Variants in GREB1L observed in about 807,000 individuals in gnomAD.
GREB1L encodes GREB1-like protein.
A neutral mutation model predicts 200.8 loss-of-function variants in GREB1L; 17 were observed. The ratio of observed to expected loss-of-function variants is 0.08; its 90% CI spans 0.06 to 0.13. The LOEUF is 0.13. Among genes scored for constraint, GREB1L ranks in the 10% least tolerant of loss-of-function variants. The pLI is 1.00. For missense variants in GREB1L, 1,657 were observed against 2,367.7 expected (o/e 0.70, Z 6.23); for synonymous variants, 789 against 893.0 (o/e 0.88, Z 2.08).
At chr18:21,251,493 G>A (rs1489922652) in intron 1 of GREB1L, among the ~76,000 whole-genome samples, 1 of 151,996 alleles carries the variant, frequency 6.6e-6, no homozygotes, top group Non-Finnish European at 1.5e-5. Flanking sequence ...CTTCATTGAA[G>A]GGCATTTATT....
intron 1 of GREB1L, among the ~76,000 whole-genome samples, chr18:21,271,309 A>AC (rs2038074371): frequency 6.6e-6 from 1 of 152,042 alleles, no homozygotes; most frequent in Non-Finnish European, 1.5e-5. Context: ...GTCCCATATC[A>AC]CCCCACAAAT....
intron 27 of GREB1L, among the ~76,000 whole-genome samples, chr18:21,509,379 C>G (rs755725327): frequency 6.6e-6 from 1 of 152,170 alleles, no homozygotes; most frequent in Non-Finnish European, 1.5e-5. Context: ...GTAATAACAC[C>G]CAGCCTAGAG....
At chr18:21,387,852 A>G (rs1256278562) in intron 4 of GREB1L, among the ~76,000 whole-genome samples, 2 of 152,174 alleles carry the variant, frequency 1.3e-5, no homozygotes, top group Non-Finnish European at 2.9e-5. Context: ...ACTCTTTTTT[A>G]CAGACATACA....
chr18:21,516,763 C>T lies in GREB1L; in HGVS notation c.5271+9C>T, dbSNP rs1371485251. ...TTAAACCAAAGATCATGGTGAGTACCGCAAGCTTGATTCAAGTGCTGAAAA... is the reference window on the plus strand; with the variant it reads ...TTAAACCAAAGATCATGGTGAGTACTGCAAGCTTGATTCAAGTGCTGAAAA... On this transcript the variant is annotated intron_variant, in intron 30 of 32. Transcript: ENST00000424526. 3.9e-6 allele frequency: 6 copies of T among 1,548,168 alleles called. No individual in the cohort carries two copies. Among genetic ancestry groups the T allele is most frequent in the Admixed American group, 4.0e-5 (2 of 50,616 alleles).
At chr18:21,372,796 C>T (rs1410121416) in intron 2 of GREB1L, among the ~76,000 whole-genome samples, 2 of 152,230 alleles carry the variant, frequency 1.3e-5, no homozygotes, top group Admixed American at 1.3e-4. Flanking sequence ...TGGCGGGCGC[C>T]TGTAATCCCA....
chr18:21,278,274 G>A (rs559443216), intron 1 of GREB1L, among the ~76,000 whole-genome samples: 70 of 151,698 alleles, frequency 4.6e-4, no homozygotes, highest in Middle Eastern at 3.4e-3. Context: ...CAGCTGCTTG[G>A]GAGGGTGAGG....
At chr18:21,345,057 A>G (rs369195452) in intron 1 of GREB1L, among the ~76,000 whole-genome samples, 2 of 152,142 alleles carry the variant, frequency 1.3e-5, no homozygotes, top group South Asian at 4.1e-4. Flanking sequence ...TCTCACTTCT[A>G]GGAATCCCTG....
At chr18:21,310,854 A>G (rs950961721) in intron 1 of GREB1L, among the ~76,000 whole-genome samples, 2 of 152,226 alleles carry the variant, frequency 1.3e-5, no homozygotes, top group East Asian at 1.9e-4. Context: ...AGAAACATGA[A>G]TAAGAGTTAA....
chr18:21,326,181 C>T (rs1001367487), intron 1 of GREB1L, among the ~76,000 whole-genome samples: 10 of 151,764 alleles, frequency 6.6e-5, no homozygotes, highest in Non-Finnish European at 1.3e-4. Flanking sequence ...TAAATTGATA[C>T]ATGGAAAAAA....
chr18:21,356,136 A>C (rs935410311), intron 1 of GREB1L, among the ~76,000 whole-genome samples: 4 of 150,664 alleles, frequency 2.7e-5, no homozygotes, highest in African/African-American at 9.8e-5. Flanking sequence ...ACCACACCCA[A>C]CTAATTTTTT....
intron 1 of GREB1L, among the ~76,000 whole-genome samples, chr18:21,278,797 T>C (rs2038218800): frequency 6.6e-6 from 1 of 152,188 alleles, no homozygotes; most frequent in African/African-American, 2.4e-5. Flanking sequence ...CAGAAACCAA[T>C]TGATTATGTA....
chr18:21,264,458 A>G (rs570583651), intron 1 of GREB1L, among the ~76,000 whole-genome samples: 1 of 152,292 alleles, frequency 6.6e-6, no homozygotes, highest in East Asian at 1.9e-4. Context: ...GTTTGGATAC[A>G]CTGATATTAA....
chr18:21,514,092 G>A, intron 28 of GREB1L, 106 bp downstream of exon 28: 1 of 1,114,584 alleles, frequency 9.0e-7, no homozygotes, highest in South Asian at 1.7e-5. Context: ...CAGCTTTCCA[G>A]AGCAAAACAG....
intron 19 of GREB1L, among the ~76,000 whole-genome samples, chr18:21,493,893 A>AAAAAGT (rs2036441683): frequency 6.8e-6 from 1 of 146,736 alleles, no homozygotes. Flanking sequence ...AAAAAAAAAA[A>AAAAAGT]GTCCTCATAC....
chr18:21,333,854 T>C (rs1255597955), intron 1 of GREB1L, among the ~76,000 whole-genome samples: 2 of 151,844 alleles, frequency 1.3e-5, no homozygotes, highest in South Asian at 2.1e-4. Flanking sequence ...TAATGGCATG[T>C]ACCTGTAGTC....
intron 1 of GREB1L, among the ~76,000 whole-genome samples, chr18:21,258,626 C>T (rs2037839543): frequency 6.6e-6 from 1 of 152,080 alleles, no homozygotes; most frequent in East Asian, 1.9e-4. Context: ...GAAGCTAGTT[C>T]AGTAGCATTA....
intron 21 of GREB1L, among the ~76,000 whole-genome samples, chr18:21,499,343 GT>G (rs942703323): frequency 2.0e-5 from 3 of 152,196 alleles, no homozygotes; most frequent in Admixed American, 6.5e-5. Context: ...GGAGCAAGAG[GT>G]GTGCTGTGCT....
At chr18:21,379,375 T>A (rs1012083389) in intron 2 of GREB1L, among the ~76,000 whole-genome samples, 6 of 151,930 alleles carry the variant, frequency 3.9e-5, no homozygotes, top group African/African-American at 1.5e-4. Context: ...CCCAGCTAAG[T>A]TTGTATTTTT....
chr18:21,244,839 C>T (rs2037570198), intron 1 of GREB1L, among the ~76,000 whole-genome samples: 1 of 152,184 alleles, frequency 6.6e-6, no homozygotes, highest in African/African-American at 2.4e-5. Context: ...GTGAATTCTC[C>T]TCGCAGCCCA....
Sources: gnomAD v4.1 joint callset for allele counts (sites outside exome capture counted in the v4.1 genomes callset) on GRCh38, gnomAD v4.1.1 for gene constraint, MANE v1.5 for transcripts, NCBI Gene and HGNC (gene_info 2026-07-23, HGNC 2026-07-21) for gene names.